The following RTKN2 variants were observed in gnomAD, a reference collection of about 807,000 sequenced individuals.
The protein encoded by RTKN2 is rhotekin 2.
In RTKN2, 69 loss-of-function variants were observed where a neutral mutation model predicts 71.5. That is an observed-to-expected ratio of 0.96 (90% CI 0.79 to 1.18). The LOEUF is 1.18. Among genes scored for constraint, RTKN2 ranks in the 50% most tolerant of loss-of-function variants. The probability of loss-of-function intolerance (pLI) is 0.00; values close to 1 mark genes in which losing one functional copy is unlikely to be tolerated. For synonymous variants in RTKN2, 236 were observed against 236.5 expected, an observed-to-expected ratio of 1.00 and a Z score of 0.02; for missense variants, 724 against 719.7, an observed-to-expected ratio of 1.01 and a Z score of -0.07.
At chr10:62,191,182 A>T (rs565192258), downstream of RTKN2, among the ~76,000 whole-genome samples, 1 of 152,258 alleles carries the variant, frequency 6.6e-6, no homozygotes, top group African/African-American at 2.4e-5. Context: ...CCCAGGCTGG[A>T]GTACAGTGAC....
chr10:62,194,430 GC>G lies in RTKN2; in HGVS notation c.*3477del, dbSNP rs1841282668. On this transcript the variant is annotated 3_prime_UTR_variant, in exon 12 of 12. Transcript: ENST00000373789. ...TAATTTAAGACTAACAGTGAAGATG[GC>G]TACTAGAATATAAATGGTCATCAGT... The G allele has an allele frequency of 1.0e-6, 1 of 975,110 alleles. No individual in the cohort carries two copies. Among genetic ancestry groups the G allele is most frequent in the East Asian group, 1.1e-4 (1 of 8,788 alleles). 60.4% of individuals were successfully genotyped at this position (975,110 alleles called of 1,614,324 possible). A position where few individuals can be genotyped will look rare whatever the true frequency, so the allele number is the denominator to read the frequency against.
chr10:62,267,201 T>C (rs1842883079), intron 1 of RTKN2, among the ~76,000 whole-genome samples: 1 of 152,244 alleles, frequency 6.6e-6, no homozygotes, highest in African/African-American at 2.4e-5. Context: ...GATTTTGTCC[T>C]GCCTAAGAAA....
At chr10:62,249,604 A>T (rs1033304977) in intron 2 of RTKN2, among the ~76,000 whole-genome samples, 1 of 152,152 alleles carries the variant, frequency 6.6e-6, no homozygotes, top group Non-Finnish European at 1.5e-5. Context: ...ATTTTGATGG[A>T]ACAGGCAGTA....
At position 62,200,966 on chromosome 10, in the gene RTKN2, TTTAATC is replaced by T. The variant is rs1359537874; in HGVS notation, c.1187-1111_1187-1106del. Among the ~76,000 whole-genome samples the T allele has an allele frequency of 6.6e-5, 10 of 152,276 alleles. 1 individual carries two copies. Among genetic ancestry groups the T allele is most frequent in the Admixed American group, 5.9e-4 (9 of 15,302 alleles). ...TTATTTTAATTATGTTTCACACTAT[TTTAATC>T]TTAAATTTTTTAGATTTCTCCTGAG... On this transcript the variant is annotated intron_variant, in intron 10 of 11. Coordinates refer to ENST00000373789, the MANE Select transcript of RTKN2 (RefSeq NM_145307.4).
intron 2 of RTKN2, among the ~76,000 whole-genome samples, chr10:62,256,412 A>G (rs1311733269): frequency 1.3e-5 from 2 of 152,216 alleles, no homozygotes; most frequent in Non-Finnish European, 2.9e-5. Flanking sequence ...TGTACTGCAT[A>G]GATCTTGACT....
intron 6 of RTKN2, among the ~76,000 whole-genome samples, chr10:62,229,328 A>G (rs1413880282): frequency 2.0e-5 from 3 of 152,216 alleles, no homozygotes; most frequent in African/African-American, 7.2e-5. Flanking sequence ...ACTAGTAATG[A>G]CAAGATCTAG....
intron 6 of RTKN2, among the ~76,000 whole-genome samples, chr10:62,224,108 C>T (rs1379427821): frequency 1.3e-5 from 2 of 151,690 alleles, no homozygotes; most frequent in Non-Finnish European, 2.9e-5. Flanking sequence ...AGGACAAACA[C>T]TATATATGAT....
Position 62,194,035 on chromosome 10 carries a change from A to G in RTKN2, c.*3873T>C, listed in dbSNP as rs1841274796. ...GTTCTTTTAATGTACAGAAGTTTCA[A>G]TTACATGACTTGGGCTCGCTTACCA... On this transcript the variant is annotated 3_prime_UTR_variant, in exon 12 of 12. Transcript: ENST00000373789. 3 of 984,062 alleles carry G rather than the reference A, an allele frequency of 3.0e-6. No individual in the cohort carries two copies. Among genetic ancestry groups the G allele is most frequent in the Non-Finnish European group, 3.6e-6 (3 of 828,652 alleles). The allele number at this position is 984,062 out of a possible 1,614,324, so 61.0% of individuals were successfully genotyped here. A position where few individuals can be genotyped will look rare whatever the true frequency, so the allele number is the denominator to read the frequency against.
chr10:62,203,534 G>A (rs544616285), intron 10 of RTKN2, among the ~76,000 whole-genome samples: 43 of 152,130 alleles, frequency 2.8e-4, no homozygotes, highest in African/African-American at 9.4e-4. Context: ...TAGTAGATAC[G>A]GGGTTTTACC....
intron 6 of RTKN2, among the ~76,000 whole-genome samples, chr10:62,225,331 C>T (rs1434707877): frequency 6.6e-6 from 1 of 152,194 alleles, no homozygotes. Context: ...GACCAATCCC[C>T]CCTTCCCACT....
rs771284089 is a variant in RTKN2 at position 62,212,882 on chromosome 10, CAGGG to C, written c.1020+4232_1020+4235del. Among the ~76,000 whole-genome samples, 69 of 152,136 alleles carry C rather than the reference CAGGG, an allele frequency of 4.5e-4. 1 individual carries two copies. Among genetic ancestry groups the C allele is most frequent in the Admixed American group, 1.1e-3 (17 of 15,286 alleles). ...ACTATATGAGACAGTGAAGGTAGGG[CAGGG>C]AGGAAGATAACACTCATCTGCTACC... On this transcript the variant is annotated intron_variant, in intron 9 of 11. Transcript: ENST00000373789.
At position 62,236,065 on chromosome 10, in the gene RTKN2, CA is replaced by C. The variant is rs1369401261; in HGVS notation, c.686del (p.Phe229LeufsTer3). On this transcript the variant is annotated frameshift_variant and splice_region_variant, in exon 6 of 12. Coordinates refer to ENST00000373789, the MANE Select transcript of RTKN2 (RefSeq NM_145307.4). LOFTEE classifies it high-confidence loss of function. ...CCATAAATACAGTATTAAAAACTTA[CA>C]AAACAGCAGAGCTGAGGAGCAAGCA... is the stretch of plus-strand genomic sequence containing the variant. ...EMCLLLSSAV[F>X]GVKYNLLAHT... The C allele has an allele frequency of 4.4e-6, 7 of 1,603,480 alleles. No individual in the cohort carries two copies. The highest frequency in any genetic ancestry group is 6.0e-6 in the Non-Finnish European group (7 of 1,171,872).
chr10:62,231,255 G>T (rs1342155635), intron 6 of RTKN2, among the ~76,000 whole-genome samples: 2 of 152,186 alleles, frequency 1.3e-5, no homozygotes, highest in Admixed American at 6.5e-5. Context: ...TATATTTAAA[G>T]AATAATGTAC....
At chr10:62,221,849 A>C (rs1455517288) in intron 7 of RTKN2, among the ~76,000 whole-genome samples, 1 of 152,202 alleles carries the variant, frequency 6.6e-6, no homozygotes, top group Non-Finnish European at 1.5e-5. Context: ...AATGGAAAAG[A>C]GGGAACAATG....
Position 62,195,446 on chromosome 10 carries a change from A to T in RTKN2, c.*2462T>A, listed in dbSNP as rs755133811. 1.1e-5 allele frequency: 11 copies of T among 978,854 alleles called. No homozygotes were observed. Among genetic ancestry groups the T allele is most frequent in the Non-Finnish European group, 1.3e-5 (11 of 824,184 alleles). The allele number at this position is 978,854 out of a possible 1,614,324, so 60.6% of individuals were successfully genotyped here. On this transcript the variant is annotated 3_prime_UTR_variant, in exon 12 of 12. Transcript: ENST00000373789. ...TTTGACACAGTGCTTAACTATTTTT[A>T]GATTTTTTTTTTAAACTGTAAAGGA...
Position 62,213,670 on chromosome 10 carries a change from T to C in RTKN2, c.1020+3448A>G, listed in dbSNP as rs970689093. Among the ~76,000 whole-genome samples, 6 of 152,148 alleles carry C rather than the reference T, an allele frequency of 3.9e-5. No homozygotes were observed. The East Asian group carries it at 5.8e-4, about 15-fold the overall frequency. On this transcript the variant is annotated intron_variant, in intron 9 of 11. Coordinates refer to ENST00000373789, the MANE Select transcript of RTKN2 (RefSeq NM_145307.4). Reference sequence around the variant, plus strand: ...AGTTACATGTTGAAGTATTCAGGAATGAAGTATCATGATATCAAAGTCTTA... The same window carrying C: ...AGTTACATGTTGAAGTATTCAGGAACGAAGTATCATGATATCAAAGTCTTA...
chr10:62,199,721 T>G (rs747240388), intron 11 of RTKN2, 33 bp downstream of exon 11: 1 of 1,311,010 alleles, frequency 7.6e-7, no homozygotes, highest in South Asian at 1.2e-5. Flanking sequence ...GTTTTTGTTA[T>G]CCTGCAGCTT....
In RTKN2 at chr10:62,199,662, T is replaced by C. The variant is rs114187877; in HGVS notation, c.1294+92A>G. ...TTATTTTGATTGTGCCCTGAAAATT[T>C]TAGCATTTTAATGTCAATAGAATAA... On this transcript the variant is annotated intron_variant, in intron 11 of 11. Coordinates refer to ENST00000373789, the MANE Select transcript of RTKN2 (RefSeq NM_145307.4). 576 of 666,120 alleles carry C rather than the reference T, an allele frequency of 8.6e-4. 2 individuals are homozygous for C. The African/African-American group carries it at 9.3e-3, about 11-fold the overall frequency. 41.3% of individuals were successfully genotyped at this position (666,120 alleles called of 1,614,324 possible).
intron 3 of RTKN2, 75 bp from the exon 4 acceptor site, chr10:62,241,270 G>T: frequency 1.2e-6 from 1 of 804,614 alleles, no homozygotes; most frequent in Non-Finnish European, 2.1e-6. Flanking sequence ...CTGAACCTCT[G>T]CATTCCATAA....
Sources: gnomAD v4.1 joint callset for allele counts (sites outside exome capture counted in the v4.1 genomes callset) on GRCh38, gnomAD v4.1.1 for gene constraint, MANE v1.5 for transcripts, NCBI Gene and HGNC (gene_info 2026-07-23, HGNC 2026-07-21) for gene names.